The following TTC27 variants were observed in gnomAD, a reference collection of about 807,000 sequenced individuals.
The protein encoded by TTC27 is tetratricopeptide repeat protein 27.
In TTC27, 79 loss-of-function variants were observed where a neutral mutation model predicts 115.9. The ratio of observed to expected loss-of-function variants is 0.68; its 90% CI spans 0.57 to 0.82. TTC27 has a LOEUF of 0.82. TTC27 is among the 40% of genes least tolerant of loss of function. The pLI, the probability that TTC27 is intolerant of heterozygous loss-of-function variation, is 0.00. For synonymous variants in TTC27, 401 were observed against 356.0 expected (o/e 1.13, Z -1.42); for missense variants, 1,054 against 993.1 (o/e 1.06, Z -0.82).
At chr2:32,655,361 G>C (rs1665280011) in intron 5 of TTC27, among the ~76,000 whole-genome samples, 1 of 152,156 alleles carries the variant, frequency 6.6e-6, no homozygotes, top group East Asian at 1.9e-4. Flanking sequence ...TGCTTAGGCT[G>C]GTCTTGAACT....
chr2:32,634,055 T>C, intron 3 of TTC27, 50 bp downstream of exon 3: 1 of 1,563,342 alleles, frequency 6.4e-7, no homozygotes. Context: ...TTATTTATTT[T>C]TTATAAGCAG....
intron 19 of TTC27, among the ~76,000 whole-genome samples, chr2:32,819,277 A>G (rs879267888): frequency 6.6e-5 from 10 of 152,146 alleles, no homozygotes; most frequent in African/African-American, 9.7e-5. Flanking sequence ...CATAATGAAA[A>G]TGCGGCCCCA....
chr2:32,750,295 GC>G (rs1668965079), intron 12 of TTC27, among the ~76,000 whole-genome samples: 1 of 152,226 alleles, frequency 6.6e-6, no homozygotes, highest in South Asian at 2.1e-4. Flanking sequence ...AGCAGAGCCA[GC>G]AGTTGGAAGG....
intron 10 of TTC27, among the ~76,000 whole-genome samples, chr2:32,718,686 G>T (rs1156469301): frequency 2.0e-5 from 3 of 151,966 alleles, no homozygotes; most frequent in African/African-American, 7.3e-5. Flanking sequence ...AGCAGTGTGG[G>T]TCTCATTGTC....
rs35041288 is a variant in TTC27 at position 32,758,343 on chromosome 2, T to C, written c.1504T>C (p.Tyr502His). ...GGAGAAAAAAGAAACGCCTAGTTTA[T>C]ACTGCTTGCTTGGAGATGTCCTCGG... is the stretch of plus-strand genomic sequence containing the variant. Reference protein sequence around the residue: ...ELEKKETPSLYCLLGDVLGDH... With the variant: ...ELEKKETPSLHCLLGDVLGDH... The change falls in exon 13 of 20, where the codon TAC (tyrosine) becomes CAC (histidine). Residue 502 changes from tyrosine (Y) to histidine (H), a missense_variant. Physicochemically the swap from Tyr to His is moderately conservative, Grantham distance 83. Coordinates refer to ENST00000317907, the MANE Select transcript of TTC27 (RefSeq NM_017735.5). 1.1e-3 allele frequency: 1,793 copies of C among 1,614,222 alleles called. 22 individuals are homozygous for C. In the African/African-American group the frequency reaches 0.021, roughly 19 times the overall value.
intron 3 of TTC27, among the ~76,000 whole-genome samples, chr2:32,635,834 A>C (rs369157512): frequency 2.0e-5 from 3 of 152,232 alleles, no homozygotes; most frequent in East Asian, 3.8e-4. Context: ...AACTCTTTGC[A>C]TATCAGCTTA....
intron 9 of TTC27, among the ~76,000 whole-genome samples, chr2:32,687,871 C>T (rs907624947): frequency 1.3e-5 from 2 of 152,096 alleles, no homozygotes; most frequent in African/African-American, 2.4e-5. Context: ...TATTTTAACA[C>T]CCCTCTGTCA....
At chr2:32,661,184 G>T (rs1665534616) in intron 5 of TTC27, among the ~76,000 whole-genome samples, 1 of 152,170 alleles carries the variant, frequency 6.6e-6, no homozygotes, top group African/African-American at 2.4e-5. Context: ...TTGCAGTATA[G>T]TTTGAAGTCA....
chr2:32,643,019 G>A (rs532218909), intron 4 of TTC27, among the ~76,000 whole-genome samples: 1 of 152,204 alleles, frequency 6.6e-6, no homozygotes, highest in South Asian at 2.1e-4. Context: ...GCCCAGGCTG[G>A]AGTACAGTGG....
intron 11 of TTC27, among the ~76,000 whole-genome samples, chr2:32,736,433 C>G (rs1009319194): frequency 6.6e-6 from 1 of 151,926 alleles, no homozygotes; most frequent in African/African-American, 2.4e-5. Context: ...TTTTTAAGTT[C>G]TTAGAGAAAA....
chr2:32,752,720 A>G (rs532497474), intron 12 of TTC27, among the ~76,000 whole-genome samples: 13 of 152,154 alleles, frequency 8.5e-5, no homozygotes, highest in Non-Finnish European at 1.2e-4. Context: ...TAAGCAAAGT[A>G]GCGCTAGTCT....
intron 16 of TTC27, among the ~76,000 whole-genome samples, chr2:32,797,679 G>T (rs938724926): frequency 1.3e-5 from 2 of 152,114 alleles, no homozygotes; most frequent in African/African-American, 4.8e-5. Context: ...CATAGGGCAA[G>T]AACTTTATAA....
chr2:32,809,929 C>T (rs1243553435), intron 16 of TTC27, among the ~76,000 whole-genome samples: 3 of 151,912 alleles, frequency 2.0e-5, no homozygotes, highest in Admixed American at 6.6e-5. Context: ...CCAGCCTGGC[C>T]AACATAGTGA....
At chr2:32,780,575 G>A (rs1305700370) in intron 14 of TTC27, among the ~76,000 whole-genome samples, 2 of 152,072 alleles carry the variant, frequency 1.3e-5, no homozygotes, top group African/African-American at 4.8e-5. Context: ...GATTAGCTGG[G>A]ATTACAGGTG....
intron 10 of TTC27, among the ~76,000 whole-genome samples, chr2:32,730,190 G>A (rs1005778105): frequency 3.3e-5 from 5 of 152,136 alleles, no homozygotes; most frequent in Admixed American, 2.6e-4. Context: ...TAATACTTGT[G>A]TTCGGCTTAA....
intron 3 of TTC27, chr2:32,635,165 T>A (rs1664370166): frequency 6.6e-6 from 1 of 152,214 alleles, no homozygotes; most frequent in African/African-American, 2.4e-5. Context: ...AATCTTGAGC[T>A]CCTATATAGA....
chr2:32,735,549 A>G (rs963328981), intron 11 of TTC27, among the ~76,000 whole-genome samples: 1 of 152,222 alleles, frequency 6.6e-6, no homozygotes, highest in East Asian at 1.9e-4. Flanking sequence ...ATCATTTTTC[A>G]TTAAGACGTT....
chr2:32,741,472 T>G (rs1458913402), intron 12 of TTC27, among the ~76,000 whole-genome samples: 1 of 149,988 alleles, frequency 6.7e-6, no homozygotes, highest in Admixed American at 6.7e-5. Flanking sequence ...TGAAACCCCA[T>G]CTCTACTAAA....
chr2:32,649,688 G>T (rs1665011940), intron 4 of TTC27, among the ~76,000 whole-genome samples: 1 of 152,002 alleles, frequency 6.6e-6, no homozygotes, highest in Non-Finnish European at 1.5e-5. Context: ...TGGGACTACA[G>T]GCGCCTGCCA....
Sources: allele counts gnomAD v4.1 joint callset (sites outside exome capture counted in the v4.1 genomes callset), GRCh38; gene constraint gnomAD v4.1.1; transcripts MANE v1.5; gene names NCBI Gene and HGNC (gene_info 2026-07-23, HGNC 2026-07-21).